TXK: variants seen among roughly 807,000 people sequenced by gnomAD.
TXK encodes the protein tyrosine-protein kinase TXK.
A neutral mutation model predicts 81.0 loss-of-function variants in TXK; 60 were observed. The observed-to-expected ratio is 0.74, with a 90% CI of 0.60 to 0.92. The LOEUF (loss-of-function observed/expected upper bound fraction) is 0.92, where lower values mean the gene tolerates loss of function less well. Ranked by LOEUF, TXK falls within the 40% of genes least tolerant of loss-of-function variation. The pLI is 0.00. For synonymous variants in TXK, 203 were observed against 210.7 expected (o/e 0.96, Z 0.32); for missense variants, 581 against 638.3 (o/e 0.91, Z 0.97).
At chr4:48,079,820 G>T in intron 11 of TXK, 92 bp downstream of exon 11, 2 of 888,636 alleles carry the variant, frequency 2.3e-6, no homozygotes, top group Non-Finnish European at 1.8e-6. Flanking sequence ...TTAAATCAAG[G>T]ACACATTATT....
chr4:48,089,682 G>A (rs756778982), intron 9 of TXK, 68 bp downstream of exon 9: 65 of 1,332,500 alleles, frequency 4.9e-5, no homozygotes, highest in East Asian at 7.1e-5. Context: ...GTGAGCCACC[G>A]CACCCAGCCA....
chr4:48,098,740 T>C (rs894655976), intron 6 of TXK, among the ~76,000 whole-genome samples: 4 of 152,066 alleles, frequency 2.6e-5, no homozygotes, highest in East Asian at 1.9e-4. Flanking sequence ...GGCAGGCAGA[T>C]CACTTGAGGC....
At chr4:48,123,079 T>A (rs1471843865) in intron 1 of TXK, among the ~76,000 whole-genome samples, 2 of 152,218 alleles carry the variant, frequency 1.3e-5, no homozygotes, top group East Asian at 3.8e-4. Context: ...TTATTTAATA[T>A]CATCAAAGCC....
rs908017185 is a variant in TXK, at chr4:48,112,561, T to C, written c.175-49A>G. The C allele has an allele frequency of 3.9e-6, 6 of 1,531,622 alleles. No homozygotes were observed. In the African/African-American group the frequency reaches 5.5e-5, roughly 14 times the overall value. The allele number at this position is 1,531,622 out of a possible 1,614,324, so 94.9% of individuals were successfully genotyped here. ...GTTTTACTATCATTTTAATAATTTG[T>C]ACTAAAAAATATAGGGACAAAGCAT... On this transcript the variant is annotated intron_variant, in intron 3 of 14. Coordinates refer to ENST00000264316, the MANE Select transcript of TXK (RefSeq NM_003328.3).
intron 13 of TXK, 106 bp from the exon 14 acceptor site, chr4:48,071,780 T>C: frequency 7.5e-7 from 1 of 1,331,810 alleles, no homozygotes; most frequent in East Asian, 2.3e-5. Context: ...CTCCAGGCTT[T>C]GGGCTATAAC....
rs1214523663 is a variant in TXK at position 48,086,615 on chromosome 4, A to T, written c.807T>A (p.Ser269=). The T allele has an allele frequency of 1.2e-6, 2 of 1,614,070 alleles. No homozygotes were observed. The highest frequency in any genetic ancestry group is 1.1e-5 in the South Asian group (1 of 91,074). ...FSYEKWEIDP[S]ELAFIKEIGS... is the part of the protein sequence containing the mutation. ...CAATCTCCTTTATAAAAGCCAACTCAGATGGATCTATCTCCCACTTTTCTG... is the reference window on the plus strand; with the variant it reads ...CAATCTCCTTTATAAAAGCCAACTCTGATGGATCTATCTCCCACTTTTCTG... Residue 269 remains serine, a synonymous_variant, in exon 10 of 15, where the codon TCT becomes TCA. Transcript: ENST00000264316.
At chr4:48,078,946 G>GA (rs775498475) in intron 11 of TXK, among the ~76,000 whole-genome samples, 2 of 152,192 alleles carry the variant, frequency 1.3e-5, no homozygotes, top group Non-Finnish European at 2.9e-5. Context: ...AAAGAAGAAG[G>GA]AAGAGAAGGA....
chr4:48,108,720 T>A (rs1039945846), intron 5 of TXK, among the ~76,000 whole-genome samples: 22 of 152,156 alleles, frequency 1.4e-4, no homozygotes, highest in African/African-American at 4.6e-4. Context: ...GATGATTTTT[T>A]AAAAAAACAC....
intron 1 of TXK, among the ~76,000 whole-genome samples, chr4:48,129,434 A>C (rs1432398568): frequency 6.6e-6 from 1 of 152,204 alleles, no homozygotes; most frequent in Non-Finnish European, 1.5e-5. Flanking sequence ...ACAAGTACCT[A>C]GCTAACAGGA....
chr4:48,079,805 A>C (rs1485338662), intron 11 of TXK, 107 bp downstream of exon 11: 1 of 844,094 alleles, frequency 1.2e-6, no homozygotes, highest in Non-Finnish European at 1.9e-6. Context: ...GTAAATGTTT[A>C]AAAATTAAAT....
intron 6 of TXK, among the ~76,000 whole-genome samples, chr4:48,102,940 C>A (rs1317446850): frequency 6.6e-6 from 1 of 152,058 alleles, no homozygotes; most frequent in Non-Finnish European, 1.5e-5. Flanking sequence ...AAAATACAAA[C>A]ACATGGACAA....
At chr4:48,109,875 C>T (rs1718579780) in intron 5 of TXK, among the ~76,000 whole-genome samples, 1 of 152,244 alleles carries the variant, frequency 6.6e-6, no homozygotes, top group Admixed American at 6.5e-5. Context: ...GAAGCATATG[C>T]TAATTTTAAG....
At chr4:48,122,614 G>A (rs1718988598) in intron 1 of TXK, among the ~76,000 whole-genome samples, 1 of 152,052 alleles carries the variant, frequency 6.6e-6, no homozygotes, top group African/African-American at 2.4e-5. Context: ...ATGTAAACAA[G>A]CACCTTTGTC....
chr4:48,098,051 G>A (rs1332824070), intron 6 of TXK, among the ~76,000 whole-genome samples: 1 of 151,996 alleles, frequency 6.6e-6, no homozygotes, highest in Non-Finnish European at 1.5e-5. Flanking sequence ...CCGGCCAAAA[G>A]CTCCCACATT....
At chr4:48,086,101 T>TC (rs1553877961) in intron 10 of TXK, among the ~76,000 whole-genome samples, 2 of 152,170 alleles carry the variant, frequency 1.3e-5, no homozygotes, top group Non-Finnish European at 2.9e-5. Flanking sequence ...TGCATGCTCC[T>TC]CCTCCCGTAA....
At position 48,066,786 on chromosome 4, in the gene TXK, C is replaced by T. The variant is rs2109387519; in HGVS notation, c.*851G>A. 1 of 152,306 alleles carries T rather than the reference C, an allele frequency of 6.6e-6. No individual in the cohort carries two copies. The highest frequency in any genetic ancestry group is 1.9e-4 in the East Asian group (1 of 5,182). The allele number at this position is 152,306 out of a possible 1,614,324, so 9.4% of individuals were successfully genotyped here. On this transcript the variant is annotated 3_prime_UTR_variant, in exon 15 of 15. Coordinates refer to ENST00000264316, the MANE Select transcript of TXK (RefSeq NM_003328.3). Reference sequence around the variant, plus strand: ...TTTCCGAAACAATGGAGCTTGATGTCACATTTGGCTATCTTGCTTTTGTCT... The same window carrying T: ...TTTCCGAAACAATGGAGCTTGATGTTACATTTGGCTATCTTGCTTTTGTCT...
chr4:48,081,546 A>G (rs1266388006), intron 10 of TXK, among the ~76,000 whole-genome samples: 1 of 152,188 alleles, frequency 6.6e-6, no homozygotes, highest in Non-Finnish European at 1.5e-5. Context: ...ACACATTTAA[A>G]TTTATTTAAA....
intron 12 of TXK, among the ~76,000 whole-genome samples, chr4:48,076,201 C>T (rs1446436521): frequency 2.0e-5 from 3 of 152,104 alleles, no homozygotes; most frequent in Non-Finnish European, 4.4e-5. Flanking sequence ...GAATAGCCCA[C>T]AGTAAACATT....
intron 10 of TXK, among the ~76,000 whole-genome samples, chr4:48,081,612 A>G (rs905771203): frequency 2.0e-5 from 3 of 152,062 alleles, no homozygotes; most frequent in African/African-American, 7.2e-5. Context: ...CTCCTTTTCT[A>G]ATCATTCTCT....
Sources: gnomAD v4.1 joint callset for allele counts (sites outside exome capture counted in the v4.1 genomes callset) on GRCh38, gnomAD v4.1.1 for gene constraint, MANE v1.5 for transcripts, NCBI Gene and HGNC (gene_info 2026-07-23, HGNC 2026-07-21) for gene names.